The following DNAH1 variants were observed in gnomAD, a reference collection of about 807,000 sequenced individuals.
DNAH1 encodes axonemal beta dynein heavy chain 1.
A neutral mutation model predicts 484.3 loss-of-function variants in DNAH1; 327 were observed. The ratio of observed to expected loss-of-function variants is 0.68; its 90% confidence interval spans 0.62 to 0.74. The LOEUF is 0.74. Among genes scored for constraint, DNAH1 ranks in the 30% least tolerant of loss-of-function variants. The probability of loss-of-function intolerance (pLI) is 0.00; values close to 1 mark genes in which losing one functional copy is unlikely to be tolerated. For synonymous variants in DNAH1, 2,192 were observed against 2,191.9 expected, an observed-to-expected ratio of 1.00 and a Z score of 0.00; for missense variants, 5,052 against 5,546.8, an observed-to-expected ratio of 0.91 and a Z score of 2.83.
At chr3:52,383,067 CT>C (rs1485279066) in intron 50 of DNAH1, among the ~76,000 whole-genome samples, 2 of 152,350 alleles carry the variant, frequency 1.3e-5, no homozygotes, top group East Asian at 3.9e-4. Context: ...GGGCAAGGAC[CT>C]ATCTCTGCCC....
chr3:52,322,554 C>A lies in DNAH1; in HGVS notation c.112C>A (p.Pro38Thr), dbSNP rs759317020. 2.1e-5 allele frequency: 34 copies of A among 1,613,778 alleles called. No individual in the cohort carries two copies. The Admixed American group carries it at 5.7e-4, about 27-fold the overall frequency. The change falls in exon 2 of 78, where the codon CCG (proline) becomes ACG (threonine). Residue 38 changes from proline to threonine, a missense_variant. Transcript: ENST00000420323. ...GACCCACAGGGGCCTAGAGTATAAC[C>A]CGGGGAAGATTCTTCCAGGATCAGA... is the stretch of plus-strand genomic sequence containing the variant. ...VGTHRGLEYN[P>T]GKILPGSDYG...
intron 52 of DNAH1, among the ~76,000 whole-genome samples, chr3:52,384,542 G>T (rs1019212754): frequency 9.2e-5 from 14 of 152,194 alleles, no homozygotes; most frequent in African/African-American, 3.4e-4. Context: ...TTCAAAGCCA[G>T]CCCAGCCCTT....
chr3:52,364,453 C>T lies in DNAH1; in HGVS notation c.5245-185C>T, dbSNP rs957762668. ...TCGGGACAGTAAAGTGCAGGGTGCCCGGGGAGCCCAAAGAAGGTGCACCTG... is the reference window on the plus strand; with the variant it reads ...TCGGGACAGTAAAGTGCAGGGTGCCTGGGGAGCCCAAAGAAGGTGCACCTG... On this transcript the variant is annotated intron_variant, in intron 32 of 77. Coordinates refer to ENST00000420323, the MANE Select transcript of DNAH1 (RefSeq NM_015512.5). This position sits in a 1 kb window ranked among gnomAD's most constrained non-coding sequence, Gnocchi z 4.2. Among the ~76,000 whole-genome samples, 10 of 152,164 alleles carry T rather than the reference C, an allele frequency of 6.6e-5. No homozygotes were observed. Among genetic ancestry groups the T allele is most frequent in the African/African-American group, 1.2e-4 (5 of 41,430 alleles).
chr3:52,375,613 T>C (rs1439887979), intron 45 of DNAH1, among the ~76,000 whole-genome samples, 200 bp downstream of exon 45: 1 of 152,182 alleles, frequency 6.6e-6, no homozygotes, highest in Admixed American at 6.5e-5. Flanking sequence ...GTACCTACCA[T>C]TCCAGGTCGT....
intron 75 of DNAH1, 21 bp from the exon 76 acceptor site, chr3:52,398,829 C>A: frequency 6.6e-7 from 1 of 1,505,960 alleles, no homozygotes; most frequent in Non-Finnish European, 8.9e-7. Context: ...ACTACCTATT[C>A]TCTTGCCACT....
In DNAH1 at chr3:52,371,988, A is replaced by G. The variant is rs756915377; in HGVS notation, c.6568A>G (p.Met2190Val). 1.1e-5 allele frequency: 18 copies of G among 1,613,750 alleles called. No individual in the cohort carries two copies. The highest frequency in any genetic ancestry group is 4.0e-5 in the African/African-American group (3 of 74,916). Reference sequence around the variant, plus strand: ...GATGGACTCCTCAGCTCCATTCACCATGGTACCAGACACCAACTACTGCAA... The same window carrying G: ...GATGGACTCCTCAGCTCCATTCACCGTGGTACCAGACACCAACTACTGCAA... Reference protein sequence around the residue: ...KWMDSSAPFTMVPDTNYCNII... With the variant: ...KWMDSSAPFTVVPDTNYCNII... Residue 2190 changes from methionine (M) to valine (V), a missense_variant, in exon 42 of 78, where the codon ATG becomes GTG. Physicochemically the swap from Met to Val is conservative, Grantham distance 21. Around this residue, in one of 4 missense-constraint regions of DNAH1, gnomAD observed 2,929 missense variants for 3,409.4 expected, o/e 0.86. Coordinates refer to ENST00000420323, the MANE Select transcript of DNAH1 (RefSeq NM_015512.5).
Position 52,393,342 on chromosome 3 carries a change from A to C in DNAH1, c.10483A>C (p.Lys3495Gln), listed in dbSNP as rs771851542. Residue 3495 changes from lysine to glutamine, a missense_variant, in exon 66 of 78, where the codon AAG (lysine) becomes CAG (glutamine). Transcript: ENST00000420323. ...IANSERADNL[K>Q]KRISNINRYL... is the part of the protein sequence containing the mutation. ...ACTTCTCCACTCCACAGACAACCTG[A>C]AGAAGCGCATCTCCAACATCAACCG... 6.2e-7 allele frequency: 1 copy of C among 1,613,920 alleles called. No individual in the cohort carries two copies. The highest frequency in any genetic ancestry group is 8.5e-7 in the Non-Finnish European group (1 of 1,179,842).
At chr3:52,373,674 AAG>A (rs1270272950) in intron 44 of DNAH1, 3 of 1,398,674 alleles carry the variant, frequency 2.1e-6, no homozygotes, top group African/African-American at 2.8e-5. Context: ...TGCTGATCAA[AAG>A]AAGTTTTTTA....
In DNAH1 at chr3:52,358,080, GA is replaced by G; in HGVS notation, c.4086+78del. 8.7e-7 allele frequency: 1 copy of G among 1,148,438 alleles called. No individual in the cohort carries two copies. 71.1% of individuals were successfully genotyped at this position (1,148,438 alleles called of 1,614,324 possible). Reference sequence around the variant, plus strand: ...GGGAGAACGTCCCTCCCTTTGTGATGAGCCCTTTTAGCAGGAAATGTGGCAA... The same window carrying G: ...GGGAGAACGTCCCTCCCTTTGTGATGGCCCTTTTAGCAGGAAATGTGGCAA... On this transcript the variant is annotated intron_variant, in intron 24 of 77. Transcript: ENST00000420323. This position sits in a 1 kb window ranked among gnomAD's most constrained non-coding sequence, Gnocchi z 4.2.
intron 8 of DNAH1, among the ~76,000 whole-genome samples, chr3:52,333,605 CTCGAGCTCCCG>C (rs1442840620): frequency 9.9e-5 from 15 of 152,082 alleles, no homozygotes; most frequent in Non-Finnish European, 4.4e-5. Context: ...CCAAGCTGGT[CTCGAGCTCCCG>C]ACCTCAGGTA....
At chr3:52,374,850 G>T in intron 44 of DNAH1, 1 of 1,105,698 alleles carries the variant, frequency 9.0e-7, no homozygotes, top group South Asian at 1.3e-5. Context: ...AGAAGCATGG[G>T]TTAAAATAGA....
At position 52,375,315 on chromosome 3, in the gene DNAH1, C is replaced by G. The variant is rs775974708; in HGVS notation, c.7061C>G (p.Thr2354Ser). 2.5e-6 allele frequency: 4 copies of G among 1,612,998 alleles called. No individual in the cohort carries two copies. Among genetic ancestry groups the G allele is most frequent in the Non-Finnish European group, 2.5e-6 (3 of 1,179,520 alleles). ...GPPGGGRNTV[T>S]PRLMRHFNYL... ...CCGGGTGGAGGCAGGAACACCGTCACCCCGCGGCTGATGCGTCACTTCAAC... is the reference window on the plus strand; with the variant it reads ...CCGGGTGGAGGCAGGAACACCGTCAGCCCGCGGCTGATGCGTCACTTCAAC... The change falls in exon 45 of 78, where the codon ACC becomes AGC. Residue 2354 changes from threonine (T) to serine (S), a missense_variant. Transcript: ENST00000420323.
At chr3:52,323,230 C>T (rs1426507028) in intron 2 of DNAH1, among the ~76,000 whole-genome samples, 1 of 151,848 alleles carries the variant, frequency 6.6e-6, no homozygotes, top group African/African-American at 2.4e-5. Context: ...GGGGAGACAA[C>T]AGGTACAAAG....
chr3:52,353,060 A>G lies in DNAH1; in HGVS notation c.3028-43A>G. ...GGGGCAACATGGAGAGAGACTGGGAAGTGTCCCAAGACAGCCCCAGCCCTG... is the reference window on the plus strand; with the variant it reads ...GGGGCAACATGGAGAGAGACTGGGAGGTGTCCCAAGACAGCCCCAGCCCTG... On this transcript the variant is annotated intron_variant, in intron 18 of 77. Coordinates refer to ENST00000420323, the MANE Select transcript of DNAH1 (RefSeq NM_015512.5). The surrounding 1 kb of genome is among the most constrained non-coding windows in gnomAD (Gnocchi z 5.0). 6.4e-7 allele frequency: 1 copy of G among 1,559,264 alleles called. No individual in the cohort carries two copies. Among genetic ancestry groups the G allele is most frequent in the Non-Finnish European group, 8.7e-7 (1 of 1,145,960 alleles).
rs1374069793 is a variant in DNAH1, at chr3:52,394,599, T to C, written c.10761T>C (p.Ser3587=). ...LSNLPTFSSF[S]SDFVKHLSEF... is the part of the protein sequence containing the mutation. ...ACCTGCCAACCTTTTCCTCCTTCTC[T>C]TCCGACTTCGTGAAGCACCTCTCAG... The change falls in exon 67 of 78, where the codon TCT becomes TCC. Residue 3587 remains serine, a synonymous_variant. Transcript: ENST00000420323. 6.2e-6 allele frequency: 10 copies of C among 1,607,268 alleles called. No homozygotes were observed. The highest frequency in any genetic ancestry group is 8.5e-6 in the Non-Finnish European group (10 of 1,175,426).
chr3:52,368,414 T>A lies in DNAH1; in HGVS notation c.5766-327T>A, dbSNP rs993360846. 2.1e-4 allele frequency among the ~76,000 whole-genome samples: 32 copies of A among 152,146 alleles called. No homozygotes were observed. The highest frequency in any genetic ancestry group is 7.2e-4 in the African/African-American group (30 of 41,416). On this transcript the variant is annotated intron_variant, in intron 36 of 77. Coordinates refer to ENST00000420323, the MANE Select transcript of DNAH1 (RefSeq NM_015512.5). This position sits in a 1 kb window ranked among gnomAD's most constrained non-coding sequence, Gnocchi z 4.4. ...TCTCACCACGCTGCTTTCTCTGCCCTGTCATTTACCCTCCTCCATCCTTGT... is the reference window on the plus strand; with the variant it reads ...TCTCACCACGCTGCTTTCTCTGCCCAGTCATTTACCCTCCTCCATCCTTGT...
intron 50 of DNAH1, among the ~76,000 whole-genome samples, 177 bp from the exon 51 acceptor site, chr3:52,383,209 A>C (rs1703934887): frequency 6.6e-6 from 1 of 152,220 alleles, no homozygotes; most frequent in African/African-American, 2.4e-5. Context: ...CATGGGGGCA[A>C]GTCCTAGACT....
At position 52,398,120 on chromosome 3, in the gene DNAH1, A is replaced by G; in HGVS notation, c.12047A>G (p.Tyr4016Cys). The change falls in exon 75 of 78, where the codon TAT becomes TGT. Residue 4016 changes from tyrosine (Y) to cysteine (C), a missense_variant. Physicochemically the swap from Tyr to Cys is radical, Grantham distance 194 (BLOSUM62 -2). Coordinates refer to ENST00000420323, the MANE Select transcript of DNAH1 (RefSeq NM_015512.5). ...QWVMAKYPVL[Y>C]EESMNTVLVQ... The stretch of plus-strand genomic sequence containing the variant: ...GTGATGGCCAAGTACCCAGTGCTGT[A>G]TGAGGAATCAATGAACACAGTACTA... 1 of 1,613,782 alleles carries G rather than the reference A, an allele frequency of 6.2e-7. No individual in the cohort carries two copies. The highest frequency in any genetic ancestry group is 8.5e-7 in the Non-Finnish European group (1 of 1,179,856).
At chr3:52,314,349 C>G (rs992973919), upstream of DNAH1, among the ~76,000 whole-genome samples, 8 of 152,292 alleles carry the variant, frequency 5.3e-5, no homozygotes, top group East Asian at 3.9e-4. Context: ...GGCATCCCCC[C>G]CTTGGGCCGC....
Sources: gnomAD v4.1 joint callset for allele counts (sites outside exome capture counted in the v4.1 genomes callset) on GRCh38, gnomAD v4.1.1 for gene constraint, gnomAD v4.1.1 regional missense constraint, Gnocchi (gnomAD v3.1) non-coding constraint, MANE v1.5 for transcripts, NCBI Gene and HGNC (gene_info 2026-07-23, HGNC 2026-07-21) for gene names.